RHOBTB1: variants seen among roughly 807,000 people sequenced by gnomAD.
RHOBTB1 encodes Rho related BTB domain containing 1.
In RHOBTB1, 40 loss-of-function variants were observed where a neutral mutation model predicts 71.6. The ratio of observed to expected loss-of-function variants is 0.56; its 90% CI spans 0.43 to 0.73. The LOEUF (loss-of-function observed/expected upper bound fraction) is 0.73, where lower values mean the gene tolerates loss of function less well. Among genes scored for constraint, RHOBTB1 ranks in the 30% least tolerant of loss-of-function variants. The pLI is 0.00. For synonymous variants in RHOBTB1, 319 were observed against 334.9 expected (o/e 0.95, Z 0.52); for missense variants, 797 against 894.0 (o/e 0.89, Z 1.38).
At chr10:60,992,168 G>C (rs2086892667) in intron 1 of RHOBTB1, among the ~76,000 whole-genome samples, 3 of 152,142 alleles carry the variant, frequency 2.0e-5, no homozygotes, top group Admixed American at 6.5e-5. Context: ...TCAGTCACAA[G>C]AGCATTGAAA....
intron 2 of RHOBTB1, among the ~76,000 whole-genome samples, chr10:60,975,998 T>A (rs933410823): frequency 2.0e-5 from 3 of 152,038 alleles, no homozygotes; most frequent in Non-Finnish European, 4.4e-5. Flanking sequence ...CACTAGAAAG[T>A]GATATAAATT....
At chr10:60,972,502 A>G (rs755557344) in intron 2 of RHOBTB1, among the ~76,000 whole-genome samples, 2 of 152,112 alleles carry the variant, frequency 1.3e-5, no homozygotes, top group Non-Finnish European at 2.9e-5. Flanking sequence ...ACAGGGACAC[A>G]GGAAGGGGAA....
chr10:60,897,430 A>G (rs886263760), intron 4 of RHOBTB1, among the ~76,000 whole-genome samples: 7 of 152,306 alleles, frequency 4.6e-5, no homozygotes, highest in African/African-American at 1.7e-4. Context: ...TTCTAGTATC[A>G]TTTATTTTGC....
chr10:60,896,256 C>G (rs1356727553), intron 4 of RHOBTB1, among the ~76,000 whole-genome samples: 1 of 152,166 alleles, frequency 6.6e-6, no homozygotes, highest in Non-Finnish European at 1.5e-5. Context: ...AAGAAACAGG[C>G]AAGTTCTAGC....
At chr10:60,940,837 C>T (rs2084865258) in intron 2 of RHOBTB1, among the ~76,000 whole-genome samples, 1 of 152,162 alleles carries the variant, frequency 6.6e-6, no homozygotes. Flanking sequence ...CTGAACTTCT[C>T]ATAAATGTAC....
At position 60,943,676 on chromosome 10, in the gene RHOBTB1, C is replaced by A. The variant is rs2085051644; in HGVS notation, c.-62+295G>T. ...ACCACCCCCTCCCTGGCGCAGCCAG[C>A]CTGCTAAGGGTGCCTGTTGTACATT... is the stretch of plus-strand genomic sequence containing the variant. On this transcript the variant is annotated intron_variant, in intron 1 of 10. Coordinates refer to ENST00000337910, the MANE Select transcript of RHOBTB1 (RefSeq NM_014836.5). 1.3e-5 allele frequency among the ~76,000 whole-genome samples: 2 copies of A among 152,172 alleles called. 1 individual carries two copies. The highest frequency in any genetic ancestry group is 4.1e-4 in the South Asian group (2 of 4,832).
intron 2 of RHOBTB1, among the ~76,000 whole-genome samples, chr10:60,967,993 G>A (rs1450512759): frequency 6.6e-6 from 1 of 151,864 alleles, no homozygotes; most frequent in Non-Finnish European, 1.5e-5. Context: ...AGCGCTGGAG[G>A]GAAAGAAGGG....
intron 6 of RHOBTB1, among the ~76,000 whole-genome samples, chr10:60,887,620 C>A (rs149537905): frequency 6.6e-6 from 1 of 152,252 alleles, no homozygotes; most frequent in African/African-American, 2.4e-5. Context: ...AGTGCAGGGC[C>A]AAGGAGCATG....
chr10:60,980,254 G>C (rs1340945929), intron 2 of RHOBTB1, among the ~76,000 whole-genome samples: 1 of 152,148 alleles, frequency 6.6e-6, no homozygotes, highest in Non-Finnish European at 1.5e-5. Flanking sequence ...ACATATTAGA[G>C]TTGTAACTAC....
At chr10:60,865,588 C>T (rs1479836192), downstream of RHOBTB1, among the ~76,000 whole-genome samples, 1 of 152,216 alleles carries the variant, frequency 6.6e-6, no homozygotes, top group African/African-American at 2.4e-5. Flanking sequence ...TAATAGGTAA[C>T]AACTTTCACA....
In RHOBTB1 at chr10:60,955,888, A is replaced by G. The variant is rs150323282; in HGVS notation, c.-61-14034T>C. 1.7e-3 allele frequency among the ~76,000 whole-genome samples: 264 copies of G among 152,334 alleles called. 3 individuals are homozygous for G. Among genetic ancestry groups the G allele is most frequent in the African/African-American group, 6.0e-3 (251 of 41,574 alleles). ...TTCATTTAAATATTTTGTTACATTT[A>G]TAACAACTTTTAATTATTAATTTTC... On this transcript the variant is annotated intron_variant, in intron 2 of 11. Transcript: ENST00000357917.
intron 2 of RHOBTB1, among the ~76,000 whole-genome samples, chr10:60,940,631 C>T (rs2084851146): frequency 6.6e-6 from 1 of 152,216 alleles, no homozygotes; most frequent in African/African-American, 2.4e-5. Flanking sequence ...GAAGCAATAA[C>T]ATCTTTGAGT....
intron 2 of RHOBTB1, among the ~76,000 whole-genome samples, chr10:60,940,445 T>C (rs2084841898): frequency 6.6e-6 from 1 of 152,190 alleles, no homozygotes; most frequent in Non-Finnish European, 1.5e-5. Context: ...TTGGTTGTTA[T>C]CAGGACTTTG....
At chr10:60,890,496 C>T (rs1454634794) in intron 5 of RHOBTB1, among the ~76,000 whole-genome samples, 1 of 152,072 alleles carries the variant, frequency 6.6e-6, no homozygotes, top group African/African-American at 2.4e-5. Flanking sequence ...TCTTTGGAAA[C>T]AGTAGATGCA....
At chr10:60,974,908 G>A (rs1055554970) in intron 2 of RHOBTB1, among the ~76,000 whole-genome samples, 1 of 151,966 alleles carries the variant, frequency 6.6e-6, no homozygotes, top group East Asian at 1.9e-4. Context: ...GGGGATGACT[G>A]TATTTTTTAT....
chr10:60,999,910 G>A (rs1272824683), intron 1 of RHOBTB1, among the ~76,000 whole-genome samples: 1 of 152,172 alleles, frequency 6.6e-6, no homozygotes, highest in Non-Finnish European at 1.5e-5. Flanking sequence ...ATTCTCTGCT[G>A]TTGCTTTATG....
At chr10:60,960,931 A>G (rs1308908278) in intron 2 of RHOBTB1, among the ~76,000 whole-genome samples, 1 of 152,044 alleles carries the variant, frequency 6.6e-6, no homozygotes, top group African/African-American at 2.4e-5. Flanking sequence ...TCCCCTTCTA[A>G]AGCTCTTCTT....
intron 2 of RHOBTB1, among the ~76,000 whole-genome samples, chr10:60,957,657 T>C (rs2085640045): frequency 6.6e-6 from 1 of 151,926 alleles, no homozygotes; most frequent in Non-Finnish European, 1.5e-5. Context: ...AGTGAGTAAG[T>C]AGTGGTAAAA....
chr10:60,909,179 T>C (rs1239735638), intron 4 of RHOBTB1, among the ~76,000 whole-genome samples: 1 of 151,738 alleles, frequency 6.6e-6, no homozygotes, highest in African/African-American at 2.4e-5. Context: ...AAGGCCATCG[T>C]GCCATTAAAT....
Sources: allele counts gnomAD v4.1 joint callset (sites outside exome capture counted in the v4.1 genomes callset), GRCh38; gene constraint gnomAD v4.1.1; transcripts MANE v1.5; gene names NCBI Gene and HGNC (gene_info 2026-07-23, HGNC 2026-07-21).